Variants in APBB2 observed in about 807,000 individuals in gnomAD.
APBB2 encodes Fe65-like 1.
Under a neutral mutation model 82.5 loss-of-function variants are expected in APBB2, and 38 were observed. The ratio of observed to expected loss-of-function variants is 0.46; its 90% confidence interval spans 0.36 to 0.60. The LOEUF (loss-of-function observed/expected upper bound fraction) is 0.60. APBB2 is among the 20% of genes least tolerant of loss of function. The pLI, the probability that APBB2 is intolerant of heterozygous loss-of-function variation, is 0.00. For missense variants in APBB2, 772 were observed against 972.3 expected, an observed-to-expected ratio of 0.79 and a Z score of 2.74; for synonymous variants, 341 against 368.2, an observed-to-expected ratio of 0.93 and a Z score of 0.85.
intron 4 of APBB2, among the ~76,000 whole-genome samples, chr4:41,035,964 G>A (rs1719013111): frequency 6.6e-6 from 1 of 152,062 alleles, no homozygotes; most frequent in African/African-American, 2.4e-5. Context: ...TTTGAGACCA[G>A]CCTGGGCAAC....
chr4:41,137,961 G>T (rs1758034015), intron 2 of APBB2: 1 of 152,176 alleles, frequency 6.6e-6, no homozygotes, highest in Non-Finnish European at 1.5e-5. Flanking sequence ...GAGGTCAGGA[G>T]ATCAAGACCA....
chr4:40,929,149 A>G (rs1029618584), intron 10 of APBB2, among the ~76,000 whole-genome samples: 1 of 151,908 alleles, frequency 6.6e-6, no homozygotes, highest in East Asian at 1.9e-4. Context: ...AGAACTCTGT[A>G]CTATCTTTGT....
chr4:41,097,193 A>G (rs1182402751), intron 3 of APBB2, among the ~76,000 whole-genome samples: 2 of 152,212 alleles, frequency 1.3e-5, no homozygotes, highest in Non-Finnish European at 2.9e-5. Context: ...CAGGAGGAAT[A>G]TGTCACCTGC....
At chr4:41,154,290 T>C (rs1762956922) in intron 1 of APBB2, among the ~76,000 whole-genome samples, 1 of 152,216 alleles carries the variant, frequency 6.6e-6, no homozygotes, top group African/African-American at 2.4e-5. Flanking sequence ...GCCCAGCTCC[T>C]ACCATTATAC....
intron 6 of APBB2, among the ~76,000 whole-genome samples, chr4:41,001,328 C>A (rs942415004): frequency 1.3e-5 from 2 of 152,180 alleles, no homozygotes; most frequent in Non-Finnish European, 2.9e-5. Context: ...ATCACATACA[C>A]CATCATGTAT....
In APBB2 at chr4:41,031,270, T is replaced by C. The variant is rs868852234; in HGVS notation, c.19+1966A>G. On this transcript the variant is annotated intron_variant, in intron 5 of 17. Coordinates refer to ENST00000508593, the MANE Select transcript of APBB2 (RefSeq NM_004307.2). ...AATAAATAAATAAATTCTGGCATGT[T>C]TGTTTTTAAAAGATGTCCCTGTAGT... 2.0e-4 allele frequency among the ~76,000 whole-genome samples: 30 copies of C among 152,194 alleles called. 1 individual carries two copies. The highest frequency in any genetic ancestry group is 1.4e-3 in the Admixed American group (22 of 15,280).
At chr4:41,101,187 G>A (rs62413787) in intron 2 of APBB2, among the ~76,000 whole-genome samples, 2 of 152,116 alleles carry the variant, frequency 1.3e-5, no homozygotes, top group African/African-American at 4.8e-5. Flanking sequence ...TGAATCGGCC[G>A]GGCGCGGTGG....
chr4:40,820,642 G>A (rs1747540090), intron 17 of APBB2, among the ~76,000 whole-genome samples: 2 of 151,988 alleles, frequency 1.3e-5, no homozygotes, highest in Admixed American at 1.3e-4. Context: ...TCCAGCCTGG[G>A]CAACAAAAGC....
chr4:40,880,346 C>T lies in APBB2; in HGVS notation c.1529+10018G>A, dbSNP rs145245304. On this transcript the variant is annotated intron_variant, in intron 12 of 17. Coordinates refer to ENST00000508593, the MANE Select transcript of APBB2 (RefSeq NM_004307.2). ...ACTAAATTCATAGTCACTGGACTCC[C>T]CAGGAAACCAAAAATCTCAGGATGA... 2.6e-4 allele frequency: 258 copies of T among 985,374 alleles called. 1 individual carries two copies. In the African/African-American group the frequency reaches 4.3e-3, roughly 16 times the overall value. The allele number at this position is 985,374 out of a possible 1,614,324, so 61.0% of individuals were successfully genotyped here.
chr4:41,065,042 T>C (rs1364835493), intron 4 of APBB2, among the ~76,000 whole-genome samples: 22 of 152,056 alleles, frequency 1.4e-4, no homozygotes, highest in Admixed American at 1.4e-3. Context: ...TCCAGAAACT[T>C]TGAGAGGCTG....
chr4:40,886,804 C>A (rs1413014071), intron 12 of APBB2, among the ~76,000 whole-genome samples: 1 of 152,212 alleles, frequency 6.6e-6, no homozygotes, highest in African/African-American at 2.4e-5. Flanking sequence ...GCAAAGCAGG[C>A]CAACCTGGGT....
chr4:41,059,355 G>C (rs1728934119), intron 4 of APBB2, among the ~76,000 whole-genome samples: 1 of 152,264 alleles, frequency 6.6e-6, no homozygotes, highest in African/African-American at 2.4e-5. Context: ...CAACTACTCA[G>C]GTGGCTGAGA....
intron 6 of APBB2, among the ~76,000 whole-genome samples, chr4:40,947,980 TC>T (rs1788914206): frequency 6.6e-6 from 1 of 152,170 alleles, no homozygotes; most frequent in South Asian, 2.1e-4. Flanking sequence ...AAAGAGAAAT[TC>T]TAAAGAAATC....
chr4:41,113,545 T>C lies in APBB2; in HGVS notation c.-260-12795A>G, dbSNP rs572413177. On this transcript the variant is annotated intron_variant, in intron 2 of 17. Coordinates refer to ENST00000508593, the MANE Select transcript of APBB2 (RefSeq NM_004307.2). ...TCAAATAAAAAGAGAGGAAGTCAAATTGTCTCTGTTTGCAGATGACATGAT... is the reference window on the plus strand; with the variant it reads ...TCAAATAAAAAGAGAGGAAGTCAAACTGTCTCTGTTTGCAGATGACATGAT... 2.0e-5 allele frequency among the ~76,000 whole-genome samples: 3 copies of C among 152,276 alleles called. No homozygotes were observed. In the East Asian group the frequency reaches 5.8e-4, roughly 29 times the overall value.
intron 10 of APBB2, among the ~76,000 whole-genome samples, chr4:40,921,398 C>A (rs1223691368): frequency 6.6e-6 from 1 of 152,202 alleles, no homozygotes; most frequent in African/African-American, 2.4e-5. Flanking sequence ...AACTTCATCT[C>A]CCCTGCATGG....
chr4:40,895,091 T>C (rs1319249220), intron 10 of APBB2, among the ~76,000 whole-genome samples: 1 of 152,150 alleles, frequency 6.6e-6, no homozygotes, highest in African/African-American at 2.4e-5. Flanking sequence ...GAAGTGATCA[T>C]ATTCGGTCAA....
intron 10 of APBB2, 54 bp downstream of exon 10, chr4:40,934,402 C>T: frequency 1.3e-6 from 2 of 1,518,254 alleles, no homozygotes; most frequent in Non-Finnish European, 1.8e-6. Flanking sequence ...GATCCAAAGT[C>T]ATTATTTGGA....
chr4:41,177,890 T>C (rs62410016), intron 1 of APBB2, among the ~76,000 whole-genome samples: 5,291 of 152,278 alleles, frequency 0.035, 170 homozygotes, highest in African/African-American at 0.085. Context: ...ATCTGAAATC[T>C]GAAATGCTCC....
At chr4:41,059,177 T>C (rs139950947) in intron 4 of APBB2, among the ~76,000 whole-genome samples, 1 of 151,868 alleles carries the variant, frequency 6.6e-6, no homozygotes, top group East Asian at 2.0e-4. Context: ...ACAATAACAT[T>C]AGGCTGGGCG....
Sources: gnomAD v4.1 joint callset for allele counts (sites outside exome capture counted in the v4.1 genomes callset) on GRCh38, gnomAD v4.1.1 for gene constraint, MANE v1.5 for transcripts, NCBI Gene and HGNC (gene_info 2026-07-23, HGNC 2026-07-21) for gene names.